Variants in UPF3A observed in about 807,000 individuals in gnomAD.
The protein encoded by UPF3A is regulator of nonsense transcripts 3A.
In UPF3A, 42 loss-of-function variants were observed where a neutral mutation model predicts 53.5. The ratio of observed to expected loss-of-function variants is 0.78; its 90% confidence interval spans 0.61 to 1.01. UPF3A has a LOEUF of 1.01. Ranked by LOEUF, UPF3A falls within the 50% of genes least tolerant of loss-of-function variation. UPF3A has a pLI of 0.00. For missense variants in UPF3A, 575 were observed against 598.0 expected (o/e 0.96, Z 0.40); for synonymous variants, 237 against 225.3 (o/e 1.05, Z -0.47).
At chr13:114,285,127 G>C (rs962829031) in intron 3 of UPF3A, 17 of 152,230 alleles carry the variant, frequency 1.1e-4, no homozygotes, top group Admixed American at 1.0e-3. Flanking sequence ...TGTTAGGTAA[G>C]GGTCCAGCTT....
intron 7 of UPF3A, among the ~76,000 whole-genome samples, chr13:114,292,069 C>T (rs543551526): frequency 3.3e-5 from 5 of 150,912 alleles, no homozygotes; most frequent in East Asian, 2.0e-4. Flanking sequence ...CGCTGGCACA[C>T]GTTGGGCTGC....
In UPF3A at chr13:114,291,736, A is replaced by G. The variant is rs1222216705; in HGVS notation, c.790A>G (p.Lys264Glu). 3.9e-6 allele frequency: 6 copies of G among 1,531,204 alleles called. No individual in the cohort carries two copies. The highest frequency in any genetic ancestry group is 1.7e-4 in the Middle Eastern group (1 of 5,836). The allele number at this position is 1,531,204 out of a possible 1,614,324, so 94.9% of individuals were successfully genotyped here. ...AAGAAGAAGAGAAGAAGAAAGATGC[A>G]AAAAAAAAGAGACAGATAAACAGAA... ...KRRRREEERCKKKETDKQKKI... is the reference protein window; with the variant it reads ...KRRRREEERCEKKETDKQKKI... The change falls in exon 7 of 10, where the codon AAA becomes GAA. Residue 264 changes from lysine (K) to glutamate (E), a missense_variant. By Grantham distance (56) the Lys-to-Glu change is moderately conservative. Transcript: ENST00000375299.
At chr13:114,294,276 G>A (rs895274921) in intron 7 of UPF3A, among the ~76,000 whole-genome samples, 1 of 150,972 alleles carries the variant, frequency 6.6e-6, no homozygotes, top group Non-Finnish European at 1.5e-5. Flanking sequence ...GTTTTGGTGG[G>A]GGGGGGGTTT....
chr13:114,295,535 G>A (rs2085876005), intron 7 of UPF3A, among the ~76,000 whole-genome samples: 2 of 152,312 alleles, frequency 1.3e-5, no homozygotes, highest in South Asian at 2.1e-4. Flanking sequence ...CTCCTTCTTG[G>A]CATCTGGTCT....
chr13:114,294,855 G>A (rs2085693678), intron 7 of UPF3A, among the ~76,000 whole-genome samples: 1 of 146,318 alleles, frequency 6.8e-6, no homozygotes, highest in South Asian at 2.2e-4. Context: ...GCTCACACCT[G>A]TAATCCTGGC....
rs556363515 is a variant in UPF3A, at chr13:114,282,868, A to C, written c.346A>C (p.Ile116Leu). 1 of 1,611,180 alleles carries C rather than the reference A, an allele frequency of 6.2e-7. No homozygotes were observed. The highest frequency in any genetic ancestry group is 1.6e-4 in the Middle Eastern group (1 of 6,074). ...LYPHLYSRAY[I>L]NFRNPDDILL... Reference sequence around the variant, plus strand: ...TCCTCATCTCTACTCAAGAGCATACATTAATTTTAGGAATCCTGATGACAT... The same window carrying C: ...TCCTCATCTCTACTCAAGAGCATACCTTAATTTTAGGAATCCTGATGACAT... Residue 116 changes from isoleucine (I) to leucine (L), a missense_variant, in exon 3 of 10, where the codon ATT becomes CTT. Physicochemically the swap from Ile to Leu is conservative, Grantham distance 5. Around this residue, in one of 2 missense-constraint regions of UPF3A, gnomAD observed 252 missense variants for 182.7 expected, o/e 1.38. Coordinates refer to ENST00000375299, the MANE Select transcript of UPF3A (RefSeq NM_023011.4).
chr13:114,282,952 A>G lies in UPF3A; in HGVS notation c.421+9A>G, dbSNP rs755299586. 4 of 1,570,208 alleles carry G rather than the reference A, an allele frequency of 2.5e-6. No homozygotes were observed. The highest frequency in any genetic ancestry group is 1.4e-5 in the African/African-American group (1 of 73,590). On this transcript the variant is annotated intron_variant, in intron 3 of 9. Transcript: ENST00000375299. ...CTTCCTTGACAGCAAAGGTTGGATT[A>G]TTGGTTTTTAAAAATCTATTATAAT... is the stretch of plus-strand genomic sequence containing the variant.
Position 114,291,419 on chromosome 13 carries a change from T to G in UPF3A, c.632-70T>G. ...TCCCGTATTTATTTTAAAGATTACATTCAAAACAAGTATTTAAAATACATC... is the reference window on the plus strand; with the variant it reads ...TCCCGTATTTATTTTAAAGATTACAGTCAAAACAAGTATTTAAAATACATC... On this transcript the variant is annotated intron_variant, in intron 5 of 9. Coordinates refer to ENST00000375299, the MANE Select transcript of UPF3A (RefSeq NM_023011.4). The G allele has an allele frequency of 3.6e-6, 5 of 1,378,984 alleles. No homozygotes were observed. In the South Asian group the frequency reaches 6.8e-5, roughly 19 times the overall value. The allele number at this position is 1,378,984 out of a possible 1,614,324, so 85.4% of individuals were successfully genotyped here. A position where few individuals can be genotyped will look rare whatever the true frequency, so the allele number is the denominator to read the frequency against.
chr13:114,282,978 C>A, intron 3 of UPF3A, 35 bp downstream of exon 3: 1 of 1,407,008 alleles, frequency 7.1e-7, no homozygotes, highest in Non-Finnish European at 1.0e-6. Flanking sequence ...CTATTATAAT[C>A]TGTAGGTATA....
chr13:114,293,979 C>G (rs1364088193), intron 7 of UPF3A, among the ~76,000 whole-genome samples: 1 of 151,972 alleles, frequency 6.6e-6, no homozygotes. Context: ...GATGGGGTTC[C>G]CACTATATTG....
At chr13:114,304,264 C>G (rs1469863067) in intron 9 of UPF3A, among the ~76,000 whole-genome samples, 2 of 152,246 alleles carry the variant, frequency 1.3e-5, no homozygotes, top group African/African-American at 4.8e-5. Context: ...CTGGCTGTTG[C>G]CTTCTTCAGG....
intron 3 of UPF3A, chr13:114,285,052 A>G (rs1209258917): frequency 2.0e-5 from 3 of 152,086 alleles, no homozygotes; most frequent in Admixed American, 6.5e-5. Flanking sequence ...TTTTTTTCCA[A>G]GTGTTTTATG....
intron 8 of UPF3A, among the ~76,000 whole-genome samples, chr13:114,301,298 A>G (rs1220857228): frequency 1.3e-5 from 2 of 151,930 alleles, no homozygotes; most frequent in African/African-American, 4.8e-5. Flanking sequence ...CGTCTCTACT[A>G]AAAATACACA....
At chr13:114,283,996 G>T in intron 3 of UPF3A, 3 of 985,434 alleles carry the variant, frequency 3.0e-6, no homozygotes, top group Non-Finnish European at 3.6e-6. Flanking sequence ...AGAAGCAAAT[G>T]TGATGCTTGA....
At position 114,281,742 on chromosome 13, in the gene UPF3A, C is replaced by T. The variant is rs867684324; in HGVS notation, c.103C>T (p.Arg35Cys). Reference protein sequence around the residue: ...KLSALEVQFHRDSQQQEAETP... With the variant: ...KLSALEVQFHCDSQQQEAETP... Reference sequence around the variant, plus strand: ...GTCGGCCCTAGAAGTGCAGTTCCACCGCGACTCGCAGCAGCAGGAGGCTGA... The same window carrying T: ...GTCGGCCCTAGAAGTGCAGTTCCACTGCGACTCGCAGCAGCAGGAGGCTGA... Residue 35 changes from arginine (R) to cysteine (C), a missense_variant, in exon 1 of 10, where the codon CGC becomes TGC. Physicochemically the swap from Arg to Cys is radical, Grantham distance 180 (BLOSUM62 -3). This residue lies in a region of UPF3A where 252 missense variants were observed against 182.7 expected (regional missense o/e 1.38). Transcript: ENST00000375299. 7 of 1,557,750 alleles carry T rather than the reference C, an allele frequency of 4.5e-6. No individual in the cohort carries two copies. The highest frequency in any genetic ancestry group is 2.7e-5 in the African/African-American group (2 of 73,228).
chr13:114,294,937 C>T (rs1429081938), intron 7 of UPF3A, among the ~76,000 whole-genome samples: 1 of 151,248 alleles, frequency 6.6e-6, no homozygotes, highest in Non-Finnish European at 1.5e-5. Flanking sequence ...ACGGTGAAAC[C>T]CTATCTCTAC....
chr13:114,286,100 T>A (rs2084660341), intron 3 of UPF3A: 1 of 612,506 alleles, frequency 1.6e-6, no homozygotes, highest in Non-Finnish European at 2.7e-6. Flanking sequence ...GTGTTAAGGT[T>A]GCAGGTGCTT....
At position 114,302,024 on chromosome 13, in the gene UPF3A, A is replaced by C; in HGVS notation, c.1301A>C (p.Lys434Thr). The C allele has an allele frequency of 6.6e-7, 1 of 1,514,228 alleles. No homozygotes were observed. The highest frequency in any genetic ancestry group is 2.3e-5 in the East Asian group (1 of 43,412). The allele number at this position is 1,514,228 out of a possible 1,614,324, so 93.8% of individuals were successfully genotyped here. The change falls in exon 9 of 10, where the codon AAG (lysine) becomes ACG (threonine). Residue 434 changes from lysine to threonine, a missense_variant and splice_region_variant. Lys to Thr is a moderately conservative substitution (Grantham distance 78, BLOSUM62 -1). Transcript: ENST00000375299. ...PAPRKERLAN[K>T]DRPALQLYDP... is the part of the protein sequence containing the mutation. ...CCCAGAAAAGAGCGACTGGCAAACA[A>C]GGTTTTTATTAAACCCAAAAAGAAA...
rs377575370 is a variant in UPF3A, at chr13:114,291,615, C to T, written c.688-19C>T. On this transcript the variant is annotated intron_variant, in intron 6 of 9. Transcript: ENST00000375299. ...TTCTCATCCAGGCAGTTTATACACA[C>T]GCTCTTCCATGTCTTTAGAGAATTC... The T allele has an allele frequency of 1.7e-5, 28 of 1,605,816 alleles. No homozygotes were observed. In the African/African-American group the frequency reaches 2.3e-4, roughly 13 times the overall value.
Sources: gnomAD v4.1 joint callset for allele counts (sites outside exome capture counted in the v4.1 genomes callset) on GRCh38, gnomAD v4.1.1 for gene constraint, gnomAD v4.1.1 regional missense constraint, MANE v1.5 for transcripts, NCBI Gene and HGNC (gene_info 2026-07-23, HGNC 2026-07-21) for gene names.